The following RRP1B variants were observed in gnomAD, a reference collection of about 807,000 sequenced individuals.
RRP1B encodes the protein ribosomal RNA processing 1B, also known as ribosomal RNA processing protein 1 homolog B.
Under a neutral mutation model 80.2 loss-of-function variants are expected in RRP1B, and 56 were observed. The observed-to-expected ratio is 0.70, with a 90% CI of 0.56 to 0.87. The LOEUF is 0.87. Ranked by LOEUF, RRP1B falls within the 40% of genes least tolerant of loss-of-function variation. The probability of loss-of-function intolerance (pLI) is 0.00; values close to 1 mark genes in which losing one functional copy is unlikely to be tolerated. For synonymous variants in RRP1B, 351 were observed against 357.6 expected, an observed-to-expected ratio of 0.98 and a Z score of 0.21; for missense variants, 807 against 939.8, an observed-to-expected ratio of 0.86 and a Z score of 1.85.
chr21:43,666,117 G>A (rs541439734), intron 1 of RRP1B, among the ~76,000 whole-genome samples: 1 of 152,342 alleles, frequency 6.6e-6, no homozygotes, highest in Admixed American at 6.5e-5. Context: ...ACCCCACGTG[G>A]AGAGGCGGCG....
intron 5 of RRP1B, 109 bp from the exon 6 acceptor site, chr21:43,674,925 A>G (rs2083015485): frequency 7.0e-7 from 1 of 1,424,954 alleles, no homozygotes; most frequent in Admixed American, 2.2e-5. Context: ...TCAGCCTTGC[A>G]TTGATTGTTA....
intron 1 of RRP1B, among the ~76,000 whole-genome samples, chr21:43,665,191 A>G (rs1032335928): frequency 1.3e-5 from 2 of 152,250 alleles, no homozygotes; most frequent in East Asian, 1.9e-4. Context: ...GCTTGACCCA[A>G]TGGTATACTT....
chr21:43,666,859 A>G (rs2082980068), intron 1 of RRP1B, among the ~76,000 whole-genome samples: 1 of 151,528 alleles, frequency 6.6e-6, no homozygotes. Flanking sequence ...CTTAAAATCT[A>G]ACAGTTCTTA....
At chr21:43,690,157 T>C (rs1161701711) in intron 13 of RRP1B, 131 bp from the exon 14 acceptor site, 4 of 948,524 alleles carry the variant, frequency 4.2e-6, no homozygotes, top group East Asian at 2.7e-5. Context: ...GCAAGTGCGG[T>C]GCGGAAGACC....
chr21:43,679,698 T>G (rs1440685811), intron 8 of RRP1B, among the ~76,000 whole-genome samples: 2 of 152,250 alleles, frequency 1.3e-5, no homozygotes, highest in African/African-American at 4.8e-5. Context: ...ATGGGCATTG[T>G]GTTGAATCTG....
intron 2 of RRP1B, among the ~76,000 whole-genome samples, chr21:43,670,346 C>T (rs1054695924): frequency 6.6e-6 from 1 of 152,208 alleles, no homozygotes; most frequent in African/African-American, 2.4e-5. Context: ...AGGGCAGCCG[C>T]GTCACTGGGC....
chr21:43,665,107 C>G (rs1456858820), intron 1 of RRP1B, among the ~76,000 whole-genome samples: 2 of 152,244 alleles, frequency 1.3e-5, no homozygotes, highest in Non-Finnish European at 2.9e-5. Flanking sequence ...GCACATCATA[C>G]TGTGCCTTTG....
At chr21:43,668,377 A>T (rs1189888984) in intron 1 of RRP1B, among the ~76,000 whole-genome samples, 52 of 141,140 alleles carry the variant, frequency 3.7e-4, no homozygotes, top group African/African-American at 1.4e-3. Context: ...TTTTTTTTTT[A>T]AGAGACGGAC....
At chr21:43,687,321 C>T (rs571614268) in intron 12 of RRP1B, among the ~76,000 whole-genome samples, 195 bp from the exon 13 acceptor site, 2 of 152,222 alleles carry the variant, frequency 1.3e-5, no homozygotes, top group African/African-American at 4.8e-5. Flanking sequence ...GGCTTCCAGT[C>T]ACAGTTGGGG....
Position 43,690,444 on chromosome 21 carries a change from C to T in RRP1B, c.2019+4C>T, listed in dbSNP as rs568463593. 31 of 1,613,604 alleles carry T rather than the reference C, an allele frequency of 1.9e-5. No individual in the cohort carries two copies. In the African/African-American group the frequency reaches 2.7e-4, roughly 14 times the overall value. On this transcript the variant is annotated splice_donor_region_variant and intron_variant, in intron 14 of 15. Coordinates refer to ENST00000340648, the MANE Select transcript of RRP1B (RefSeq NM_015056.3). ...CCCTCCAGGCCCTGCCGTCCAGGTA[C>T]GCACCCTCCCCAGAGTGGCACAGCA...
Position 43,675,363 on chromosome 21 carries a change from C to A in RRP1B, c.549+200C>A, listed in dbSNP as rs75454245. 1.1e-4 allele frequency among the ~76,000 whole-genome samples: 17 copies of A among 152,274 alleles called. No homozygotes were observed. In the East Asian group the frequency reaches 3.1e-3, roughly 28 times the overall value. On this transcript the variant is annotated intron_variant, in intron 6 of 15. Transcript: ENST00000340648. ...ACTGAGGATGTACATGACAGTCTTACCTGTAAAACGGAATTGAAAGCAACC... is the reference window on the plus strand; with the variant it reads ...ACTGAGGATGTACATGACAGTCTTAACTGTAAAACGGAATTGAAAGCAACC...
At chr21:43,680,732 CAG>C (rs767295388) in intron 8 of RRP1B, among the ~76,000 whole-genome samples, 13 of 152,030 alleles carry the variant, frequency 8.6e-5, no homozygotes, top group African/African-American at 1.7e-4. Context: ...TTTGTAGAGA[CAG>C]GGGTCTCACT....
chr21:43,693,116 GGACGCTGTCTAA>G lies in RRP1B; in HGVS notation c.2084-72_2084-61del. The G allele has an allele frequency of 6.6e-7, 1 of 1,519,706 alleles. No homozygotes were observed. Among genetic ancestry groups the G allele is most frequent in the Non-Finnish European group, 9.0e-7 (1 of 1,106,800 alleles). 94.1% of individuals were successfully genotyped at this position (1,519,706 alleles called of 1,614,324 possible). On this transcript the variant is annotated intron_variant, in intron 15 of 15. Transcript: ENST00000340648. This position sits in a 1 kb window ranked among gnomAD's most constrained non-coding sequence, Gnocchi z 4.1. ...AGTGGGTGGGGTCGGCACCCAGGCA[GGACGCTGTCTAA>G]GGTGTTGAAGGGACAGCTGTCGGAC...
intron 1 of RRP1B, among the ~76,000 whole-genome samples, chr21:43,662,706 ACT>A (rs2082962529): frequency 6.6e-6 from 1 of 152,078 alleles, no homozygotes; most frequent in African/African-American, 2.4e-5. Flanking sequence ...TAAAATGATC[ACT>A]CTCCATGGCT....
chr21:43,670,282 C>T (rs1314262114), intron 2 of RRP1B, among the ~76,000 whole-genome samples: 3 of 152,154 alleles, frequency 2.0e-5, no homozygotes, highest in African/African-American at 4.8e-5. Flanking sequence ...TTTTTGTGGT[C>T]AAGGATGGCA....
In RRP1B at chr21:43,659,668, G is replaced by T; in HGVS notation, c.4G>T (p.Ala2Ser). The change falls in exon 1 of 16, where the codon GCC becomes TCC. Residue 2 changes from alanine to serine, a missense_variant. Coordinates refer to ENST00000340648, the MANE Select transcript of RRP1B (RefSeq NM_015056.3). The surrounding 1 kb of genome is among the most constrained non-coding windows in gnomAD (Gnocchi z 4.2). ...CGGGGATGCTCCAGCGGGCGCGATG[G>T]CCCCCGCCATGCAGCCGGCCGAGAT... is the stretch of plus-strand genomic sequence containing the variant. M[A>S]PAMQPAEIQF... 2 of 1,507,870 alleles carry T rather than the reference G, an allele frequency of 1.3e-6. No individual in the cohort carries two copies. The highest frequency in any genetic ancestry group is 1.8e-6 in the Non-Finnish European group (2 of 1,127,456). The allele number at this position is 1,507,870 out of a possible 1,614,324, so 93.4% of individuals were successfully genotyped here.
chr21:43,680,908 T>G (rs1204720514), intron 8 of RRP1B, among the ~76,000 whole-genome samples: 1 of 152,178 alleles, frequency 6.6e-6, no homozygotes, highest in East Asian at 1.9e-4. Context: ...TCCTTTGTAC[T>G]TCTCTATTTC....
At position 43,659,677 on chromosome 21, in the gene RRP1B, A is replaced by G. The variant is rs75550908; in HGVS notation, c.13A>G (p.Met5Val). 22 of 1,514,428 alleles carry G rather than the reference A, an allele frequency of 1.5e-5. No homozygotes were observed. In the East Asian group the frequency reaches 2.5e-4, roughly 17 times the overall value. The allele number at this position is 1,514,428 out of a possible 1,614,324, so 93.8% of individuals were successfully genotyped here. ...TCCAGCGGGCGCGATGGCCCCCGCC[A>G]TGCAGCCGGCCGAGATCCAATTTGC... is the stretch of plus-strand genomic sequence containing the variant. MAPA[M>V]QPAEIQFAQR... Residue 5 changes from methionine (M) to valine (V), a missense_variant, in exon 1 of 16, where the codon ATG becomes GTG. Coordinates refer to ENST00000340648, the MANE Select transcript of RRP1B (RefSeq NM_015056.3). The surrounding 1 kb of genome is among the most constrained non-coding windows in gnomAD (Gnocchi z 4.2).
At position 43,673,946 on chromosome 21, in the gene RRP1B, A is replaced by G. The variant is rs1185464450; in HGVS notation, c.348A>G (p.Lys116=). ...GAATAGACAGGCTACGCCTGGACAAATACTATATGGTAAGATCTGCCGCAG... is the reference window on the plus strand; with the variant it reads ...GAATAGACAGGCTACGCCTGGACAAGTACTATATGGTAAGATCTGCCGCAG... ...WKGIDRLRLD[K]YYMLIRLVLR... is the part of the protein sequence containing the mutation. The change falls in exon 4 of 16, where the codon AAA becomes AAG. Residue 116 remains lysine, a synonymous_variant. Coordinates refer to ENST00000340648, the MANE Select transcript of RRP1B (RefSeq NM_015056.3). 6.2e-7 allele frequency: 1 copy of G among 1,610,704 alleles called. No individual in the cohort carries two copies. The highest frequency in any genetic ancestry group is 8.5e-7 in the Non-Finnish European group (1 of 1,177,820).
Sources: allele counts gnomAD v4.1 joint callset (sites outside exome capture counted in the v4.1 genomes callset), GRCh38; gene constraint gnomAD v4.1.1; non-coding constraint Gnocchi (gnomAD v3.1); transcripts MANE v1.5; gene names NCBI Gene and HGNC (gene_info 2026-07-23, HGNC 2026-07-21).